ACTN2: variants seen among roughly 807,000 people sequenced by gnomAD.
ACTN2 encodes alpha-actinin-2.
A neutral mutation model predicts 113.8 loss-of-function variants in ACTN2; 39 were observed. The ratio of observed to expected loss-of-function variants is 0.34; its 90% confidence interval spans 0.27 to 0.45. The LOEUF (loss-of-function observed/expected upper bound fraction) is 0.45, where lower values mean the gene tolerates loss of function less well. Among genes scored for constraint, ACTN2 ranks in the 20% least tolerant of loss-of-function variants. The pLI, the probability that ACTN2 is intolerant of heterozygous loss-of-function variation, is 1.00. For missense variants in ACTN2, 992 were observed against 1,177.9 expected (o/e 0.84, Z 2.31); for synonymous variants, 429 against 444.1 (o/e 0.97, Z 0.43).
chr1:236,745,324 C>T (rs929826133), intron 12 of ACTN2, among the ~76,000 whole-genome samples: 1 of 152,232 alleles, frequency 6.6e-6, no homozygotes, highest in South Asian at 2.1e-4. Context: ...GTCCCAGCTG[C>T]TCGGGAGGCT....
intron 1 of ACTN2, among the ~76,000 whole-genome samples, chr1:236,707,152 T>C (rs1339456334): frequency 6.6e-6 from 1 of 152,242 alleles, no homozygotes; most frequent in Non-Finnish European, 1.5e-5. Flanking sequence ...TGGGCAATAT[T>C]TTTGCCCCCT....
intron 4 of ACTN2, among the ~76,000 whole-genome samples, chr1:236,720,757 C>T (rs561092593): frequency 6.6e-6 from 1 of 152,268 alleles, no homozygotes; most frequent in South Asian, 2.1e-4. Context: ...ACACCAACTA[C>T]ACTCCCAAAT....
intron 1 of ACTN2, among the ~76,000 whole-genome samples, chr1:236,688,118 C>T (rs959761881): frequency 6.6e-6 from 1 of 152,110 alleles, no homozygotes; most frequent in African/African-American, 2.4e-5. Context: ...AATGTGTCAT[C>T]TGGACCAGCT....
intron 1 of ACTN2, among the ~76,000 whole-genome samples, chr1:236,700,349 A>G (rs1657636971): frequency 1.3e-5 from 2 of 152,198 alleles, no homozygotes; most frequent in South Asian, 4.2e-4. Flanking sequence ...CACCCAGCTA[A>G]TTGTCACTGA....
chr1:236,700,497 T>TA (rs1452679876), intron 1 of ACTN2, among the ~76,000 whole-genome samples: 2 of 152,206 alleles, frequency 1.3e-5, no homozygotes, highest in Non-Finnish European at 2.9e-5. Context: ...GTACTGGTAG[T>TA]ACATTTACTG....
intron 1 of ACTN2, among the ~76,000 whole-genome samples, chr1:236,713,659 C>G (rs1572108610): frequency 6.8e-6 from 1 of 147,408 alleles, no homozygotes; most frequent in Admixed American, 6.9e-5. Flanking sequence ...CTTCATTCCT[C>G]ACTGTGTGTT....
intron 9 of ACTN2, among the ~76,000 whole-genome samples, chr1:236,737,525 C>A (rs1430355905): frequency 7.1e-6 from 1 of 141,494 alleles, no homozygotes; most frequent in Non-Finnish European, 1.6e-5. Flanking sequence ...GGTTGGACAC[C>A]CCTAGACGAC....
At chr1:236,725,537 G>C (rs1172878116) in intron 4 of ACTN2, among the ~76,000 whole-genome samples, 1 of 152,096 alleles carries the variant, frequency 6.6e-6, no homozygotes, top group African/African-American at 2.4e-5. Context: ...TGAGGCAGGA[G>C]AATCTTTTGA....
chr1:236,757,707 C>A, intron 18 of ACTN2, 75 bp downstream of exon 18: 2 of 1,570,356 alleles, frequency 1.3e-6, no homozygotes, highest in South Asian at 2.2e-5. Context: ...TGCATGCTCT[C>A]GTTTTAAGTC....
At chr1:236,718,403 T>A (rs1366990) in intron 2 of ACTN2, among the ~76,000 whole-genome samples, 127 of 152,266 alleles carry the variant, frequency 8.3e-4, no homozygotes, top group African/African-American at 3.0e-3. Context: ...GTTGGCTGAT[T>A]TAGACTTTGG....
At chr1:236,698,049 C>T (rs1338677522) in intron 1 of ACTN2, among the ~76,000 whole-genome samples, 1 of 150,424 alleles carries the variant, frequency 6.6e-6, no homozygotes, top group Non-Finnish European at 1.5e-5. Context: ...GCTGGGATTA[C>T]AGGCGTGAGC....
chr1:236,736,341 G>A (rs561921552), intron 8 of ACTN2, among the ~76,000 whole-genome samples: 23 of 152,308 alleles, frequency 1.5e-4, no homozygotes, highest in Non-Finnish European at 2.6e-4. Context: ...TTCAGTGACC[G>A]CTGTGAAGCC....
chr1:236,705,249 A>G (rs1572101044), intron 1 of ACTN2, among the ~76,000 whole-genome samples: 1 of 152,164 alleles, frequency 6.6e-6, no homozygotes, highest in Non-Finnish European at 1.5e-5. Context: ...ACTAAAATTT[A>G]TATCAGAAAA....
chr1:236,733,109 C>G lies in ACTN2; in HGVS notation c.697+1795C>G, dbSNP rs959267451. Among the ~76,000 whole-genome samples, 9 of 152,320 alleles carry G rather than the reference C, an allele frequency of 5.9e-5. No homozygotes were observed. The East Asian group carries it at 1.5e-3, about 26-fold the overall frequency. On this transcript the variant is annotated intron_variant, in intron 7 of 20. Coordinates refer to ENST00000366578, the MANE Select transcript of ACTN2 (RefSeq NM_001103.4). ...AGTAGGAACATAGGAAATTTCCTTT[C>G]CTCTTTTTCCATCTGTCCTAAGCTA...
intron 6 of ACTN2, among the ~76,000 whole-genome samples, chr1:236,729,034 A>G (rs2102908550): frequency 6.6e-6 from 1 of 152,292 alleles, no homozygotes; most frequent in Middle Eastern, 3.4e-3. Context: ...TCACTAAGGC[A>G]GCACAGAGCA....
intron 18 of ACTN2, among the ~76,000 whole-genome samples, chr1:236,758,326 A>C (rs571080884): frequency 0.033 from 4,443 of 136,684 alleles, 245 homozygotes; most frequent in Middle Eastern, 0.11. Context: ...TCGCTCTGTC[A>C]CCAGGCTGGA....
intron 1 of ACTN2, among the ~76,000 whole-genome samples, chr1:236,710,937 C>G (rs925480013): frequency 3.3e-5 from 5 of 152,140 alleles, no homozygotes; most frequent in Non-Finnish European, 5.9e-5. Context: ...AAACCGGTCC[C>G]TGGTGCCAAA....
rs1055678673 is a variant in ACTN2 at position 236,754,783 on chromosome 1, T to C, written c.1975-236T>C. On this transcript the variant is annotated intron_variant, in intron 16 of 20. Transcript: ENST00000366578. This position sits in a 1 kb window ranked among gnomAD's most constrained non-coding sequence, Gnocchi z 4.9. ...TCTGACCCCTCTTGCCTCTCTGTTTTGGATCTTGGTTGACTTTTTCCTCAT... is the reference window on the plus strand; with the variant it reads ...TCTGACCCCTCTTGCCTCTCTGTTTCGGATCTTGGTTGACTTTTTCCTCAT... Among the ~76,000 whole-genome samples, 1 of 152,194 alleles carries C rather than the reference T, an allele frequency of 6.6e-6. No homozygotes were observed. Among genetic ancestry groups the C allele is most frequent in the Non-Finnish European group, 1.5e-5 (1 of 68,036 alleles).
intron 10 of ACTN2, among the ~76,000 whole-genome samples, chr1:236,739,999 A>G (rs957441547): frequency 6.6e-6 from 1 of 152,226 alleles, no homozygotes; most frequent in Non-Finnish European, 1.5e-5. Context: ...GCCAGTCACA[A>G]GCTAAAACCA....
Sources: gnomAD v4.1 joint callset for allele counts (sites outside exome capture counted in the v4.1 genomes callset) on GRCh38, gnomAD v4.1.1 for gene constraint, Gnocchi (gnomAD v3.1) non-coding constraint, MANE v1.5 for transcripts, NCBI Gene and HGNC (gene_info 2026-07-23, HGNC 2026-07-21) for gene names.